GTF3C3: variants seen among roughly 807,000 people sequenced by gnomAD.
The protein encoded by GTF3C3 is general transcription factor IIIC subunit 3.
GTF3C3 carries 75 observed loss-of-function variants against 105.2 expected under a neutral mutation model. That is an observed-to-expected ratio of 0.71 (90% confidence interval 0.59 to 0.86). The LOEUF is 0.86. Among genes scored for constraint, GTF3C3 ranks in the 40% least tolerant of loss-of-function variants. GTF3C3 has a pLI of 0.00. For synonymous variants in GTF3C3, 335 were observed against 370.4 expected (o/e 0.90, Z 1.10); for missense variants, 856 against 1,076.5 (o/e 0.80, Z 2.87).
Position 196,789,343 on chromosome 2 carries a change from G to A in GTF3C3, c.754C>T (p.Arg252Cys), listed in dbSNP as rs779281811. 1.1e-5 allele frequency: 18 copies of A among 1,604,386 alleles called. No homozygotes were observed. The highest frequency in any genetic ancestry group is 2.2e-5 in the East Asian group (1 of 44,784). The change falls in exon 6 of 18, where the codon CGT (arginine) becomes TGT (cysteine). Residue 252 changes from arginine to cysteine, a missense_variant. Around this residue, in one of 3 missense-constraint regions of GTF3C3, gnomAD observed 605 missense variants for 833.6 expected, o/e 0.73. Transcript: ENST00000263956. ...AGGCTTGATCGCTCCCACAGATAAC[G>A]GACATTAGTAGGTTCATATTTAAGA... ...KALKYEPTNVRYLWERSSLYE... is the reference protein window; with the variant it reads ...KALKYEPTNVCYLWERSSLYE...
intron 8 of GTF3C3, among the ~76,000 whole-genome samples, chr2:196,782,384 A>G (rs1391796386): frequency 6.6e-6 from 1 of 152,244 alleles, no homozygotes; most frequent in Admixed American, 6.5e-5. Context: ...ACACTGTTCA[A>G]TAAAATATAT....
intron 16 of GTF3C3, 31 bp downstream of exon 16, chr2:196,769,884 A>G: frequency 1.3e-6 from 2 of 1,575,170 alleles, no homozygotes; most frequent in Non-Finnish European, 1.7e-6. Flanking sequence ...AGAAACATAA[A>G]ATCAAGTAAC....
chr2:196,796,544 A>AT (rs1242085562), intron 2 of GTF3C3, among the ~76,000 whole-genome samples: 1 of 152,144 alleles, frequency 6.6e-6, no homozygotes, highest in Non-Finnish European at 1.5e-5. Context: ...CATGTGCAGG[A>AT]TGTCCAGGTT....
At chr2:196,789,404 A>G in intron 5 of GTF3C3, 35 bp from the exon 6 acceptor site, 1 of 1,471,808 alleles carries the variant, frequency 6.8e-7, no homozygotes, top group South Asian at 1.3e-5. Context: ...TTTACCACAA[A>G]AAGGGGTGCA....
intron 1 of GTF3C3, among the ~76,000 whole-genome samples, chr2:196,798,432 G>A (rs1295943669): frequency 6.6e-6 from 1 of 152,098 alleles, no homozygotes; most frequent in African/African-American, 2.4e-5. Flanking sequence ...GCTGAGGTAG[G>A]AGGACTGCTT....
chr2:196,774,967 T>A (rs982293218), intron 13 of GTF3C3, 149 bp downstream of exon 13: 3 of 490,256 alleles, frequency 6.1e-6, no homozygotes, highest in Admixed American at 4.1e-5. Context: ...TAACATCGAA[T>A]GAGTTTATTA....
At chr2:196,785,886 C>T (rs781157857) in intron 6 of GTF3C3, among the ~76,000 whole-genome samples, 35 of 152,100 alleles carry the variant, frequency 2.3e-4, no homozygotes, top group Non-Finnish European at 4.7e-4. Context: ...AAGCATAGGT[C>T]CTACCACTTT....
Position 196,785,506 on chromosome 2 carries a change from T to C in GTF3C3, c.976A>G (p.Met326Val). The C allele has an allele frequency of 1.2e-6, 2 of 1,608,144 alleles. No homozygotes were observed. Among genetic ancestry groups the C allele is most frequent in the Non-Finnish European group, 1.7e-6 (2 of 1,175,006 alleles). Residue 326 changes from methionine to valine, a missense_variant, in exon 7 of 18, where the codon ATG (methionine) becomes GTG (valine). Physicochemically the swap from Met to Val is conservative, Grantham distance 21. Transcript: ENST00000263956. ...AFSKHQGLVS[M>V]EDVNIAAELY... ...TCAGCTGCTATGTTAACATCTTCCA[T>C]GGAGACTAGGCCCTGGTGTTTTGAG... is the stretch of plus-strand genomic sequence containing the variant.
intron 1 of GTF3C3, 182 bp downstream of exon 1, chr2:196,799,328 A>G (rs988780742): frequency 3.8e-6 from 2 of 525,962 alleles, no homozygotes; most frequent in African/African-American, 3.9e-5. Flanking sequence ...GTGGGGGAAA[A>G]CGTTTTAAGG....
intron 15 of GTF3C3, 129 bp downstream of exon 15, chr2:196,771,619 C>T: frequency 1.6e-6 from 1 of 610,446 alleles, no homozygotes; most frequent in Non-Finnish European, 2.9e-6. Context: ...GATCAAGAAA[C>T]TGAGGCAGGA....
At chr2:196,780,194 T>G in intron 9 of GTF3C3, 1 of 822,444 alleles carries the variant, frequency 1.2e-6, no homozygotes, top group Non-Finnish European at 1.5e-6. Context: ...ATCCTAAGGT[T>G]TACAAAGTAG....
chr2:196,784,221 T>C (rs1699415828), intron 8 of GTF3C3, among the ~76,000 whole-genome samples: 1 of 152,088 alleles, frequency 6.6e-6, no homozygotes, highest in African/African-American at 2.4e-5. Flanking sequence ...ATCCTCACAG[T>C]GTAGGGGTTG....
intron 14 of GTF3C3, among the ~76,000 whole-genome samples, chr2:196,772,147 T>C (rs557774617): frequency 1.3e-5 from 2 of 152,380 alleles, no homozygotes; most frequent in African/African-American, 2.4e-5. Flanking sequence ...AGTGTTTCTA[T>C]ATCTTATTTC....
At chr2:196,782,185 C>T (rs1484316715) in intron 8 of GTF3C3, among the ~76,000 whole-genome samples, 1 of 152,172 alleles carries the variant, frequency 6.6e-6, no homozygotes, top group East Asian at 1.9e-4. Context: ...TCTGAAGAAG[C>T]TTGTTTGTCC....
chr2:196,776,041 G>C lies in GTF3C3; in HGVS notation c.1664C>G (p.Thr555Ser), dbSNP rs745849131. Residue 555 changes from threonine to serine, a missense_variant, in exon 12 of 18, where the codon ACC becomes AGC. This residue lies in a region of GTF3C3 where 605 missense variants were observed against 833.6 expected (regional missense o/e 0.73). Coordinates refer to ENST00000263956, the MANE Select transcript of GTF3C3 (RefSeq NM_012086.5). This position sits in a 1 kb window ranked among gnomAD's most constrained non-coding sequence, Gnocchi z 4.5. ...SQGKMYGYVD[T>S]LLTMLAMLLK... ...AAGCATGGCTAACATAGTAAGTAAG[G>C]TATCCACATAACCATACATTTTGCC... The C allele has an allele frequency of 6.3e-7, 1 of 1,583,182 alleles. No individual in the cohort carries two copies. Among genetic ancestry groups the C allele is most frequent in the Non-Finnish European group, 8.6e-7 (1 of 1,160,962 alleles).
intron 15 of GTF3C3, among the ~76,000 whole-genome samples, chr2:196,770,831 A>G (rs986502605): frequency 2.0e-5 from 3 of 152,210 alleles, no homozygotes; most frequent in African/African-American, 7.2e-5. Flanking sequence ...TTTCTAATAT[A>G]GGAAAATAAA....
intron 1 of GTF3C3, among the ~76,000 whole-genome samples, chr2:196,798,122 C>T (rs1385081369): frequency 6.6e-6 from 1 of 152,106 alleles, no homozygotes; most frequent in Non-Finnish European, 1.5e-5. Flanking sequence ...AATTTGAATA[C>T]TGTCAAAGCA....
chr2:196,779,928 G>A (rs180840354), intron 9 of GTF3C3, among the ~76,000 whole-genome samples: 79 of 152,136 alleles, frequency 5.2e-4, no homozygotes, highest in Admixed American at 5.0e-3. Context: ...AGATCTGCCC[G>A]CCTCAGCCTC....
rs1264995871 is a variant in GTF3C3 at position 196,764,454 on chromosome 2, A to T, written c.*109T>A. On this transcript the variant is annotated 3_prime_UTR_variant, in exon 18 of 18. Transcript: ENST00000263956. ...AAATAAATACACTGTTTGTTAGGTA[A>T]TTCTGAAATTGTCATTTCTATTTTG... The T allele has an allele frequency of 1.0e-6, 1 of 962,566 alleles. No individual in the cohort carries two copies. The allele number at this position is 962,566 out of a possible 1,614,324, so 59.6% of individuals were successfully genotyped here. A position where few individuals can be genotyped will look rare whatever the true frequency, so the allele number is the denominator to read the frequency against.
Sources: gnomAD v4.1 joint callset for allele counts (sites outside exome capture counted in the v4.1 genomes callset) on GRCh38, gnomAD v4.1.1 for gene constraint, gnomAD v4.1.1 regional missense constraint, Gnocchi (gnomAD v3.1) non-coding constraint, MANE v1.5 for transcripts, NCBI Gene and HGNC (gene_info 2026-07-23, HGNC 2026-07-21) for gene names.